The following PDE1C variants were observed in gnomAD, a reference collection of about 807,000 sequenced individuals.
The protein encoded by PDE1C is dual specificity calcium/calmodulin-dependent 3',5'-cyclic nucleotide phosphodiesterase 1C.
A neutral mutation model predicts 93.1 loss-of-function variants in PDE1C; 62 were observed. The ratio of observed to expected loss-of-function variants is 0.67; its 90% CI spans 0.54 to 0.82. The LOEUF (loss-of-function observed/expected upper bound fraction) is 0.82, where lower values mean the gene tolerates loss of function less well. PDE1C is among the 40% of genes least tolerant of loss of function. The probability of loss-of-function intolerance (pLI) is 0.00; values close to 1 mark genes in which losing one functional copy is unlikely to be tolerated. For missense variants in PDE1C, 742 were observed against 884.6 expected, an observed-to-expected ratio of 0.84 and a Z score of 2.04; for synonymous variants, 325 against 310.1, an observed-to-expected ratio of 1.05 and a Z score of -0.50.
chr7:32,022,014 T>G (rs1276926491), intron 2 of PDE1C, among the ~76,000 whole-genome samples: 1 of 152,084 alleles, frequency 6.6e-6, no homozygotes, highest in Non-Finnish European at 1.5e-5. Flanking sequence ...ATTCCTCATG[T>G]TTAACTTAAG....
intron 1 of PDE1C, among the ~76,000 whole-genome samples, chr7:32,374,250 G>GGAAGAAAGAAA (rs1350487867): frequency 3.5e-5 from 2 of 57,846 alleles, no homozygotes; most frequent in African/African-American, 1.2e-4. Flanking sequence ...AGGAAGGAAA[G>GGAAGAAAGAAA]GAAAGGAAGA....
At chr7:32,228,987 C>T (rs1807494018) in intron 1 of PDE1C, among the ~76,000 whole-genome samples, 1 of 152,204 alleles carries the variant, frequency 6.6e-6, no homozygotes, top group African/African-American at 2.4e-5. Flanking sequence ...CCTCCTGAGA[C>T]AGCAGCAGAA....
At chr7:32,053,758 G>A (rs1563255741) in intron 1 of PDE1C, among the ~76,000 whole-genome samples, 1 of 151,948 alleles carries the variant, frequency 6.6e-6, no homozygotes, top group Non-Finnish European at 1.5e-5. Context: ...AATAAGAAAA[G>A]CTTCATTTTC....
rs189304896 is a variant in PDE1C at position 32,057,298 on chromosome 7, A to C, written c.102-5718T>G. Among the ~76,000 whole-genome samples, 386 of 152,318 alleles carry C rather than the reference A, an allele frequency of 2.5e-3. 1 individual carries two copies. The highest frequency in any genetic ancestry group is 4.3e-3 in the Non-Finnish European group (293 of 68,030). On this transcript the variant is annotated intron_variant, in intron 1 of 17. Transcript: ENST00000396191. ...TTAACCCATACTCATTTAGCTCTTA[A>C]GTAAATTAAAAGACCACTAGTCTTA...
the PDE1C span, among the ~76,000 whole-genome samples, chr7:31,694,851 G>A: frequency 6.6e-6 from 1 of 152,196 alleles, no homozygotes; most frequent in Non-Finnish European, 1.5e-5. Context: ...GGGTAATGCA[G>A]AGGATTGAGA....
At chr7:32,054,416 G>T (rs941768720) in intron 1 of PDE1C, among the ~76,000 whole-genome samples, 1 of 152,150 alleles carries the variant, frequency 6.6e-6, no homozygotes, top group Non-Finnish European at 1.5e-5. Context: ...TATTAAATTT[G>T]TCATGTAGTG....
chr7:31,684,841 C>T, the PDE1C span, among the ~76,000 whole-genome samples: 1 of 152,136 alleles, frequency 6.6e-6, no homozygotes, highest in African/African-American at 2.4e-5. Context: ...ATGCTACAGC[C>T]GCTTTGGTGT....
chr7:32,147,334 C>T (rs982913425), intron 3 of PDE1C, among the ~76,000 whole-genome samples: 15 of 106,572 alleles, frequency 1.4e-4, no homozygotes, highest in Non-Finnish European at 1.2e-4. Flanking sequence ...GAAAGAAAGA[C>T]GCTGTTTGTA....
intron 2 of PDE1C, among the ~76,000 whole-genome samples, chr7:32,206,236 GC>G (rs1331732012): frequency 8.5e-5 from 13 of 152,078 alleles, no homozygotes; most frequent in African/African-American, 2.9e-4. Flanking sequence ...GATTGTGTAT[GC>G]TGATAATGGG....
intron 1 of PDE1C, among the ~76,000 whole-genome samples, chr7:32,423,709 G>A (rs1027196842): frequency 1.3e-5 from 2 of 150,902 alleles, no homozygotes; most frequent in Non-Finnish European, 3.0e-5. Flanking sequence ...CACAGAAGAC[G>A]TAGATGGAAA....
intron 1 of PDE1C, among the ~76,000 whole-genome samples, chr7:32,230,632 G>C (rs902969222): frequency 2.0e-5 from 3 of 152,062 alleles, no homozygotes; most frequent in Non-Finnish European, 4.4e-5. Flanking sequence ...TGAAATTTTA[G>C]GTGCATTGAA....
chr7:31,648,496 C>T, the PDE1C span, among the ~76,000 whole-genome samples: 14 of 152,110 alleles, frequency 9.2e-5, no homozygotes, highest in Admixed American at 2.6e-4. Context: ...AAGATGGCAG[C>T]ATTTCAGAAT....
intron 2 of PDE1C, among the ~76,000 whole-genome samples, chr7:31,945,132 C>G (rs1329561920): frequency 6.6e-6 from 1 of 152,136 alleles, no homozygotes; most frequent in Non-Finnish European, 1.5e-5. Flanking sequence ...ATCACATGTG[C>G]TCCAAGGACC....
intron 1 of PDE1C, among the ~76,000 whole-genome samples, chr7:32,388,840 A>G (rs1366436054): frequency 6.6e-6 from 1 of 152,086 alleles, no homozygotes; most frequent in East Asian, 1.9e-4. Context: ...GGAGGGGGAA[A>G]CCGTCTAGAG....
chr7:31,659,567 G>C, the PDE1C span, among the ~76,000 whole-genome samples: 157 of 152,294 alleles, frequency 1.0e-3, 1 homozygote, highest in African/African-American at 3.3e-3. Context: ...TATATATGTA[G>C]ACTTTTGTAT....
chr7:32,102,471 C>T (rs948071388), intron 3 of PDE1C, among the ~76,000 whole-genome samples: 5 of 152,206 alleles, frequency 3.3e-5, no homozygotes, highest in African/African-American at 9.6e-5. Context: ...TGTGAAGTGA[C>T]AGTAATAATA....
the PDE1C span, chr7:31,695,690 A>C: frequency 1.4e-6 from 2 of 1,462,146 alleles, no homozygotes; most frequent in Non-Finnish European, 1.8e-6. Context: ...TTGTTCGTAC[A>C]CATTTTTCCT....
chr7:31,720,662 G>A, the PDE1C span, among the ~76,000 whole-genome samples: 1 of 152,162 alleles, frequency 6.6e-6, no homozygotes, highest in East Asian at 1.9e-4. Context: ...AATCAACAGG[G>A]TGTCGTTCTT....
chr7:32,043,024 G>A (rs1792051769), intron 2 of PDE1C, among the ~76,000 whole-genome samples: 1 of 152,130 alleles, frequency 6.6e-6, no homozygotes, highest in Non-Finnish European at 1.5e-5. Flanking sequence ...CTTTACCAGT[G>A]GTTCTCAACT....
Sources: gnomAD v4.1 joint callset for allele counts (sites outside exome capture counted in the v4.1 genomes callset) on GRCh38, gnomAD v4.1.1 for gene constraint, MANE v1.5 for transcripts, NCBI Gene and HGNC (gene_info 2026-07-23, HGNC 2026-07-21) for gene names.